BLM: variants seen among roughly 807,000 people sequenced by gnomAD.
The protein encoded by BLM is BLM RecQ like helicase, also known as recQ-like DNA helicase BLM.
Under a neutral mutation model 135.3 loss-of-function variants are expected in BLM, and 95 were observed. The observed-to-expected ratio is 0.70, with a 90% CI of 0.59 to 0.83. The LOEUF (loss-of-function observed/expected upper bound fraction) is 0.83. BLM is among the 40% of genes least tolerant of loss of function. The probability of loss-of-function intolerance (pLI) is 0.00; values close to 1 mark genes in which losing one functional copy is unlikely to be tolerated. For missense variants in BLM, 1,518 were observed against 1,663.9 expected, an observed-to-expected ratio of 0.91 and a Z score of 1.53; for synonymous variants, 520 against 589.2, an observed-to-expected ratio of 0.88 and a Z score of 1.70.
intron 9 of BLM, among the ~76,000 whole-genome samples, chr15:90,766,306 A>G (rs1896124913): frequency 6.6e-6 from 1 of 152,242 alleles, no homozygotes; most frequent in Non-Finnish European, 1.5e-5. Context: ...AAAAGATGCC[A>G]TACAGTAGGA....
chr15:90,796,254 A>G (rs1897025519), intron 16 of BLM, among the ~76,000 whole-genome samples: 1 of 152,192 alleles, frequency 6.6e-6, no homozygotes. Context: ...ACATATTAAG[A>G]TTCAAAAATT....
At chr15:90,813,547 C>A (rs1235719821) in intron 21 of BLM, among the ~76,000 whole-genome samples, 1 of 152,164 alleles carries the variant, frequency 6.6e-6, no homozygotes, top group Admixed American at 6.5e-5. Flanking sequence ...GTGCACGCCA[C>A]CACGCTGGGC....
intron 17 of BLM, among the ~76,000 whole-genome samples, chr15:90,802,052 G>A (rs1298161376): frequency 6.6e-6 from 1 of 151,128 alleles, no homozygotes; most frequent in African/African-American, 2.4e-5. Flanking sequence ...GCAAGACCCT[G>A]ACTCAAAAAA....
chr15:90,754,015 T>C (rs993748564), intron 4 of BLM, among the ~76,000 whole-genome samples: 14 of 152,240 alleles, frequency 9.2e-5, no homozygotes, highest in African/African-American at 2.9e-4. Context: ...TTTAGGAAAA[T>C]ACAGTTGATT....
At chr15:90,764,718 C>T (rs958149688) in intron 8 of BLM, among the ~76,000 whole-genome samples, 1 of 152,148 alleles carries the variant, frequency 6.6e-6, no homozygotes, top group Non-Finnish European at 1.5e-5. Context: ...GAAATAAAAA[C>T]TTTACTGTAT....
intron 1 of BLM, among the ~76,000 whole-genome samples, chr15:90,722,083 G>A (rs568695642): frequency 1.3e-5 from 2 of 151,946 alleles, no homozygotes; most frequent in Non-Finnish European, 2.9e-5. Context: ...GCAGGAGTTC[G>A]AGACCAGCCT....
intron 17 of BLM, among the ~76,000 whole-genome samples, chr15:90,799,721 C>T (rs1001560978): frequency 1.3e-5 from 2 of 151,022 alleles, no homozygotes; most frequent in East Asian, 3.9e-4. Flanking sequence ...AAAACTTTTC[C>T]TCAACCCTCT....
At chr15:90,735,461 T>A (rs966459043) in intron 1 of BLM, among the ~76,000 whole-genome samples, 8 of 151,918 alleles carry the variant, frequency 5.3e-5, no homozygotes, top group African/African-American at 1.9e-4. Context: ...GTTGCAAAGC[T>A]TCTATCATGA....
intron 20 of BLM, among the ~76,000 whole-genome samples, chr15:90,809,864 A>G (rs1897367487): frequency 6.6e-6 from 1 of 152,088 alleles, no homozygotes; most frequent in African/African-American, 2.4e-5. Context: ...ACCTGGGGGA[A>G]ATGAGAACAA....
Position 90,815,414 on chromosome 15 carries a change from G to A in BLM, c.*135G>A. 1 of 948,812 alleles carries A rather than the reference G, an allele frequency of 1.1e-6. No homozygotes were observed. Among genetic ancestry groups the A allele is most frequent in the Non-Finnish European group, 1.6e-6 (1 of 630,798 alleles). 58.8% of individuals were successfully genotyped at this position (948,812 alleles called of 1,614,324 possible). A position where few individuals can be genotyped will look rare whatever the true frequency, so the allele number is the denominator to read the frequency against. On this transcript the variant is annotated 3_prime_UTR_variant, in exon 22 of 22. Coordinates refer to ENST00000355112, the MANE Select transcript of BLM (RefSeq NM_000057.4). This position sits in a 1 kb window ranked among gnomAD's most constrained non-coding sequence, Gnocchi z 4.6. ...CTATTAATATTTAAATAAATGCTGG[G>A]GGGTGATAGTTCTTCTTTTTAAAAT...
chr15:90,794,888 T>TA (rs915743782), intron 16 of BLM, among the ~76,000 whole-genome samples: 2 of 151,700 alleles, frequency 1.3e-5, no homozygotes, highest in African/African-American at 4.8e-5. Flanking sequence ...TCTTTTTTTT[T>TA]AACTATAAAG....
chr15:90,782,391 A>AC (rs1335987217), intron 12 of BLM, among the ~76,000 whole-genome samples: 48 of 152,072 alleles, frequency 3.2e-4, no homozygotes, highest in South Asian at 2.7e-3. Context: ...CTGTCTCAAA[A>AC]AAAAACAAAA....
intron 5 of BLM, among the ~76,000 whole-genome samples, chr15:90,757,135 CA>C (rs1323973941): frequency 6.6e-6 from 1 of 152,180 alleles, no homozygotes; most frequent in Admixed American, 6.5e-5. Context: ...TTAGAGCTCA[CA>C]AAGCAGCTAT....
At chr15:90,728,544 G>A (rs759640953) in intron 1 of BLM, among the ~76,000 whole-genome samples, 5 of 151,992 alleles carry the variant, frequency 3.3e-5, no homozygotes, top group South Asian at 2.1e-4. Context: ...TTATAGGCAC[G>A]TGCCACTACT....
intron 1 of BLM, among the ~76,000 whole-genome samples, chr15:90,742,016 A>T (rs909384191): frequency 6.6e-6 from 1 of 152,170 alleles, no homozygotes; most frequent in African/African-American, 2.4e-5. Flanking sequence ...GTGTGATTCT[A>T]TATATATGAA....
chr15:90,755,589 A>G (rs1217089084), intron 5 of BLM, among the ~76,000 whole-genome samples: 1 of 152,124 alleles, frequency 6.6e-6, no homozygotes, highest in Non-Finnish European at 1.5e-5. Flanking sequence ...TCTGCTGCTC[A>G]GAGGCACCTT....
chr15:90,777,493 T>C (rs2151173879), intron 12 of BLM, among the ~76,000 whole-genome samples: 1 of 152,296 alleles, frequency 6.6e-6, no homozygotes, highest in South Asian at 2.1e-4. Flanking sequence ...ACACATCCCA[T>C]GACAACTATT....
At chr15:90,734,691 ACAC>A in intron 1 of BLM, among the ~76,000 whole-genome samples, 2 of 114,058 alleles carry the variant, frequency 1.8e-5, no homozygotes, top group South Asian at 6.5e-4. Context: ...ACACACACAC[ACAC>A]GCAGAGAGAG....
intron 15 of BLM, among the ~76,000 whole-genome samples, chr15:90,793,013 CAA>C (rs1394374667): frequency 1.0e-4 from 9 of 86,556 alleles, no homozygotes; most frequent in Admixed American, 2.6e-4. Context: ...AGGCCGAGGC[CAA>C]AAAAAAAAAA....
Sources: gnomAD v4.1 joint callset for allele counts (sites outside exome capture counted in the v4.1 genomes callset) on GRCh38, gnomAD v4.1.1 for gene constraint, Gnocchi (gnomAD v3.1) non-coding constraint, MANE v1.5 for transcripts, NCBI Gene and HGNC (gene_info 2026-07-23, HGNC 2026-07-21) for gene names.